Variants in CAST observed in about 807,000 individuals in gnomAD.
CAST encodes MIR583 host.
CAST carries 76 observed loss-of-function variants against 119.6 expected under a neutral mutation model. That is an observed-to-expected ratio of 0.64 (90% CI 0.53 to 0.77). The LOEUF (loss-of-function observed/expected upper bound fraction) is 0.77. CAST is among the 30% of genes least tolerant of loss of function. The probability of loss-of-function intolerance (pLI) is 0.00; values close to 1 mark genes in which losing one functional copy is unlikely to be tolerated. For missense variants in CAST, 953 were observed against 946.5 expected (o/e 1.01, Z -0.09); for synonymous variants, 319 against 331.6 (o/e 0.96, Z 0.41).
chr5:96,634,649 G>A (rs1412696881), intron 1 of CAST, among the ~76,000 whole-genome samples: 3 of 152,224 alleles, frequency 2.0e-5, no homozygotes, highest in Non-Finnish European at 2.9e-5. Context: ...TCATCAGATA[G>A]TGTTGCCTCT....
intron 1 of CAST, among the ~76,000 whole-genome samples, chr5:96,614,627 A>G (rs1415478650): frequency 1.3e-5 from 2 of 152,224 alleles, no homozygotes; most frequent in African/African-American, 4.8e-5. Flanking sequence ...CCTGAAACAG[A>G]GTCCAAAGAT....
At chr5:96,461,916 T>C in the CAST span, among the ~76,000 whole-genome samples, 1 of 152,118 alleles carries the variant, frequency 6.6e-6, no homozygotes, top group Non-Finnish European at 1.5e-5. Flanking sequence ...CAACGCTGAC[T>C]GTAACTGCTC....
chr5:96,412,224 CAAT>C, the CAST span: 5,128 of 1,085,474 alleles, frequency 4.7e-3, 160 homozygotes, highest in African/African-American at 0.07. Flanking sequence ...AAATCCACAA[CAAT>C]GTTATTCCAT....
At chr5:96,768,139 A>G in intron 29 of CAST, 140 bp downstream of exon 29, 2 of 685,868 alleles carry the variant, frequency 2.9e-6, no homozygotes, top group South Asian at 3.2e-5. Context: ...GCTGGAGTGC[A>G]GTGGTGTGAT....
the CAST span, among the ~76,000 whole-genome samples, chr5:96,473,434 T>C: frequency 4.6e-5 from 7 of 152,244 alleles, no homozygotes; most frequent in East Asian, 1.9e-4. Flanking sequence ...TAACAAGAAA[T>C]TGGAAGCAGG....
chr5:96,060,401 G>A, the CAST span, among the ~76,000 whole-genome samples: 78 of 152,252 alleles, frequency 5.1e-4, no homozygotes, highest in Non-Finnish European at 8.1e-4. Flanking sequence ...ATCCTATGAA[G>A]ATTCAGGTGC....
chr5:96,290,634 A>T, the CAST span, among the ~76,000 whole-genome samples: 14 of 152,328 alleles, frequency 9.2e-5, 1 homozygote, highest in East Asian at 1.5e-3. Flanking sequence ...AAGCTCAAAG[A>T]ACACAGTTTA....
chr5:96,026,209 C>T, the CAST span, among the ~76,000 whole-genome samples: 3 of 152,118 alleles, frequency 2.0e-5, no homozygotes, highest in Non-Finnish European at 4.4e-5. Flanking sequence ...CAGAGTGAGA[C>T]CCTGTCTTAA....
At chr5:96,167,515 G>A in the CAST span, among the ~76,000 whole-genome samples, 1 of 152,192 alleles carries the variant, frequency 6.6e-6, no homozygotes, top group Non-Finnish European at 1.5e-5. Flanking sequence ...TTCTGAGAAG[G>A]GCAAGTGGTA....
chr5:96,105,810 G>T, the CAST span, among the ~76,000 whole-genome samples: 1 of 152,192 alleles, frequency 6.6e-6, no homozygotes, highest in South Asian at 2.1e-4. Context: ...AGAAGGAATG[G>T]TACCAGTTCC....
chr5:96,069,377 G>C, the CAST span, among the ~76,000 whole-genome samples: 3 of 131,046 alleles, frequency 2.3e-5, no homozygotes, highest in South Asian at 2.5e-4. Flanking sequence ...GTGTGTGTGT[G>C]TGTGTCTATG....
chr5:96,240,392 G>T, the CAST span, among the ~76,000 whole-genome samples: 4 of 152,138 alleles, frequency 2.6e-5, no homozygotes, highest in East Asian at 7.7e-4. Flanking sequence ...TGGTGAAGCT[G>T]CTGGGCAAGC....
chr5:96,431,383 C>G, the CAST span, among the ~76,000 whole-genome samples: 1 of 152,214 alleles, frequency 6.6e-6, no homozygotes, highest in East Asian at 1.9e-4. Context: ...ATTCACCCCT[C>G]CCGAATTCCC....
the CAST span, chr5:96,408,240 A>G: frequency 1.3e-4 from 211 of 1,613,826 alleles, no homozygotes; most frequent in African/African-American, 2.6e-3. Flanking sequence ...CCAGGGCCAG[A>G]GCGAAGATGC....
At chr5:96,003,366 G>A in the CAST span, among the ~76,000 whole-genome samples, 47 of 151,930 alleles carry the variant, frequency 3.1e-4, no homozygotes, top group Non-Finnish European at 5.0e-4. Flanking sequence ...GTGAAACCCC[G>A]TCTCTACTAA....
the CAST span, among the ~76,000 whole-genome samples, chr5:96,444,081 T>C: frequency 1.3e-5 from 2 of 152,190 alleles, no homozygotes; most frequent in African/African-American, 4.8e-5. Context: ...TTTGGTTGAA[T>C]CAGAGGTGTC....
intron 1 of CAST, among the ~76,000 whole-genome samples, chr5:96,663,357 T>G (rs952214251): frequency 6.6e-6 from 1 of 152,186 alleles, no homozygotes; most frequent in Admixed American, 6.5e-5. Flanking sequence ...ACTCACCCTC[T>G]TGTGGTATGT....
At chr5:96,303,816 A>G in the CAST span, among the ~76,000 whole-genome samples, 44 of 152,190 alleles carry the variant, frequency 2.9e-4, no homozygotes, top group Non-Finnish European at 5.4e-4. Context: ...GCCATGGTGT[A>G]TATGAGCCAC....
chr5:96,182,860 C>T, the CAST span, among the ~76,000 whole-genome samples: 2 of 152,132 alleles, frequency 1.3e-5, no homozygotes, highest in Admixed American at 6.5e-5. Context: ...GGTTTCTGGC[C>T]GGGCATGGTG....
Sources: gnomAD v4.1 joint callset for allele counts (sites outside exome capture counted in the v4.1 genomes callset) on GRCh38, gnomAD v4.1.1 for gene constraint, MANE v1.5 for transcripts, NCBI Gene and HGNC (gene_info 2026-07-23, HGNC 2026-07-21) for gene names.